The following CDH12 variants were observed in gnomAD, a reference collection of about 807,000 sequenced individuals.
CDH12 encodes the protein cadherin-12.
Under a neutral mutation model 74.1 loss-of-function variants are expected in CDH12, and 41 were observed. The observed-to-expected ratio is 0.55, with a 90% CI of 0.43 to 0.72. The LOEUF is 0.72. CDH12 is among the 30% of genes least tolerant of loss of function. The pLI, the probability that CDH12 is intolerant of heterozygous loss-of-function variation, is 0.00. For missense variants in CDH12, 945 were observed against 977.2 expected, an observed-to-expected ratio of 0.97 and a Z score of 0.44; for synonymous variants, 399 against 355.0, an observed-to-expected ratio of 1.12 and a Z score of -1.39.
chr5:22,353,254 A>G (rs139529623), intron 3 of CDH12, among the ~76,000 whole-genome samples: 1,958 of 152,352 alleles, frequency 0.013, 24 homozygotes, highest in Middle Eastern at 0.02. Flanking sequence ...GGAAGTTTTT[A>G]GGAATAAATT....
At chr5:22,154,202 C>T (rs1355016654) in intron 4 of CDH12, among the ~76,000 whole-genome samples, 1 of 150,572 alleles carries the variant, frequency 6.6e-6, no homozygotes, top group East Asian at 1.9e-4. Flanking sequence ...AGCTAGTTAA[C>T]ATATACATCA....
intron 4 of CDH12, among the ~76,000 whole-genome samples, chr5:22,113,878 A>G (rs1414683800): frequency 2.6e-5 from 4 of 152,098 alleles, no homozygotes; most frequent in Non-Finnish European, 4.4e-5. Context: ...ATATTTCACT[A>G]TTCTCTGCTT....
chr5:22,023,973 T>G (rs1738170999), intron 5 of CDH12, among the ~76,000 whole-genome samples: 1 of 152,080 alleles, frequency 6.6e-6, no homozygotes, highest in Non-Finnish European at 1.5e-5. Context: ...CCAAAAGCAG[T>G]CACATGGCCC....
intron 2 of CDH12, 77 bp from the exon 3 acceptor site, chr5:22,405,428 C>T (rs1742902379): frequency 4.1e-6 from 1 of 244,448 alleles, no homozygotes; most frequent in African/African-American, 2.3e-5. Flanking sequence ...TTCAGCCTTC[C>T]CAGAATATTT....
chr5:22,330,298 C>T (rs1445891273), intron 3 of CDH12, among the ~76,000 whole-genome samples: 3 of 152,068 alleles, frequency 2.0e-5, no homozygotes, highest in African/African-American at 4.8e-5. Flanking sequence ...CCAGTACTGG[C>T]AGGATATTAC....
intron 3 of CDH12, among the ~76,000 whole-genome samples, chr5:22,248,302 AAAT>A (rs1160782084): frequency 2.0e-5 from 3 of 151,702 alleles, no homozygotes; most frequent in Non-Finnish European, 2.9e-5. Flanking sequence ...CTCCATCTCA[AAAT>A]AATAATAATA....
At position 22,629,259 on chromosome 5, in the gene CDH12, C is replaced by T. The variant is rs1397755762; in HGVS notation, c.-522-123895G>A. On this transcript the variant is annotated intron_variant, in intron 1 of 14. Coordinates refer to ENST00000382254, the MANE Select transcript of CDH12 (RefSeq NM_004061.5). ...ACCCTAACTCATTCTCTGAGGTCAC[C>T]ATCTTTCTGATACCAAAACCTGACA... Among the ~76,000 whole-genome samples, 3 of 151,892 alleles carry T rather than the reference C, an allele frequency of 2.0e-5. No individual in the cohort carries two copies. The East Asian group carries it at 5.8e-4, about 29-fold the overall frequency.
intron 3 of CDH12, among the ~76,000 whole-genome samples, chr5:22,294,946 C>T (rs552135866): frequency 2.6e-4 from 39 of 152,294 alleles, no homozygotes; most frequent in African/African-American, 8.7e-4. Flanking sequence ...TCATCAAGAA[C>T]GACAGGGCCT....
intron 3 of CDH12, among the ~76,000 whole-genome samples, chr5:22,219,561 C>T (rs192636734): frequency 7.2e-5 from 11 of 151,864 alleles, no homozygotes; most frequent in Non-Finnish European, 3.0e-5. Context: ...ATAATTTAAA[C>T]TCTCTGCAGT....
At chr5:22,384,666 C>G (rs1317488192) in intron 3 of CDH12, among the ~76,000 whole-genome samples, 1 of 151,898 alleles carries the variant, frequency 6.6e-6, no homozygotes, top group Non-Finnish European at 1.5e-5. Context: ...TATTAGAGAT[C>G]TTGGCATGAA....
chr5:21,946,672 T>C (rs1006177948), intron 6 of CDH12, among the ~76,000 whole-genome samples: 10 of 152,244 alleles, frequency 6.6e-5, no homozygotes, highest in African/African-American at 2.2e-4. Flanking sequence ...GCATATATCA[T>C]GGTGGTCCCA....
At chr5:22,735,260 T>G (rs939267041) in intron 1 of CDH12, among the ~76,000 whole-genome samples, 3 of 151,916 alleles carry the variant, frequency 2.0e-5, no homozygotes, top group Non-Finnish European at 4.4e-5. Context: ...TATTGCCTCA[T>G]TCTTCTTTCC....
intron 6 of CDH12, among the ~76,000 whole-genome samples, chr5:21,861,899 A>AGTGTGTGTGTGT (rs59953319): frequency 0.01 from 1,544 of 147,818 alleles, 26 homozygotes; most frequent in African/African-American, 0.036. Flanking sequence ...GGTCATTTCT[A>AGTGTGTGTGTGT]GTGTGTGTGT....
intron 1 of CDH12, among the ~76,000 whole-genome samples, chr5:22,571,095 T>C (rs1739518454): frequency 6.6e-6 from 1 of 152,204 alleles, no homozygotes; most frequent in African/African-American, 2.4e-5. Flanking sequence ...GGATTAGGGT[T>C]CTATGCAGGG....
intron 3 of CDH12, among the ~76,000 whole-genome samples, chr5:22,303,803 C>T (rs1391810914): frequency 1.3e-5 from 2 of 152,200 alleles, no homozygotes; most frequent in East Asian, 3.9e-4. Context: ...AAGTAGAGAG[C>T]AGTAGGCTAC....
chr5:22,271,470 T>C (rs2150400494), intron 3 of CDH12, among the ~76,000 whole-genome samples: 1 of 152,322 alleles, frequency 6.6e-6, no homozygotes, highest in South Asian at 2.1e-4. Context: ...TCCACACTGC[T>C]GTTAATGTTG....
At chr5:22,059,152 T>C (rs184842645) in intron 5 of CDH12, among the ~76,000 whole-genome samples, 1 of 152,284 alleles carries the variant, frequency 6.6e-6, no homozygotes, top group African/African-American at 2.4e-5. Flanking sequence ...TTTTCCTAGT[T>C]GCTCAAAAGG....
rs371406314 is a variant in CDH12, at chr5:22,488,989, C to T, written c.-428+16281G>A. Among the ~76,000 whole-genome samples, 41 of 148,982 alleles carry T rather than the reference C, an allele frequency of 2.8e-4. No individual in the cohort carries two copies. In the East Asian group the frequency reaches 3.2e-3, roughly 12 times the overall value. On this transcript the variant is annotated intron_variant, in intron 2 of 14. Transcript: ENST00000382254. ...TCTGATTTTTAAAAATCCTGGTACC[C>T]TTATGACAGCCATTTTTTTTCTATT...
At chr5:22,811,327 G>C (rs1165979052) in intron 1 of CDH12, among the ~76,000 whole-genome samples, 1 of 152,114 alleles carries the variant, frequency 6.6e-6, no homozygotes, top group Non-Finnish European at 1.5e-5. Context: ...TCCCAACTTA[G>C]ACAATATCAT....
Sources: gnomAD v4.1 joint callset for allele counts (sites outside exome capture counted in the v4.1 genomes callset) on GRCh38, gnomAD v4.1.1 for gene constraint, MANE v1.5 for transcripts, NCBI Gene and HGNC (gene_info 2026-07-23, HGNC 2026-07-21) for gene names.